EHF: variants seen among roughly 807,000 people sequenced by gnomAD.
EHF encodes the protein ETS homologous factor.
EHF carries 14 observed loss-of-function variants against 45.1 expected under a neutral mutation model. The ratio of observed to expected loss-of-function variants is 0.31; its 90% confidence interval spans 0.21 to 0.49. The LOEUF (loss-of-function observed/expected upper bound fraction) is 0.49. Ranked by LOEUF, EHF falls within the 20% of genes least tolerant of loss-of-function variation. EHF has a pLI of 0.99. For missense variants in EHF, 282 were observed against 371.4 expected (o/e 0.76, Z 1.98); for synonymous variants, 136 against 131.8 (o/e 1.03, Z -0.22).
chr11:34,649,162 G>C lies in EHF; in HGVS notation c.406+81G>C. The C allele has an allele frequency of 2.1e-6, 3 of 1,451,040 alleles. No individual in the cohort carries two copies. The Admixed American group carries it at 5.1e-5, about 25-fold the overall frequency. 89.9% of individuals were successfully genotyped at this position (1,451,040 alleles called of 1,614,324 possible). On this transcript the variant is annotated intron_variant, in intron 4 of 8. Transcript: ENST00000257831. ...CAGTTGGGAGAGGGCAAGAGAGAATGTGGGGGCAAGTTTTTGCAGGAAACA... is the reference window on the plus strand; with the variant it reads ...CAGTTGGGAGAGGGCAAGAGAGAATCTGGGGGCAAGTTTTTGCAGGAAACA...
intron 3 of EHF, among the ~76,000 whole-genome samples, chr11:34,648,339 A>G (rs1376512273): frequency 1.4e-5 from 2 of 146,336 alleles, no homozygotes; most frequent in Non-Finnish European, 2.9e-5. Context: ...ATTCATATGC[A>G]TTTACAAATA....
rs533407823 is a variant in EHF at position 34,633,817 on chromosome 11, G to T, written c.-3-8811G>T. 5.0e-3 allele frequency among the ~76,000 whole-genome samples: 761 copies of T among 152,174 alleles called. 10 individuals carry two copies. The highest frequency in any genetic ancestry group is 0.017 in the African/African-American group (725 of 41,494). On this transcript the variant is annotated intron_variant, in intron 1 of 8. Transcript: ENST00000257831. Reference sequence around the variant, plus strand: ...CAAGCTTGTCTTTTGATCAACTTGAGTGCCTGCCACTGTCAGTATGTGCTG... The same window carrying T: ...CAAGCTTGTCTTTTGATCAACTTGATTGCCTGCCACTGTCAGTATGTGCTG...
intron 6 of EHF, among the ~76,000 whole-genome samples, chr11:34,653,853 G>T (rs1855439273): frequency 6.6e-6 from 1 of 152,186 alleles, no homozygotes; most frequent in African/African-American, 2.4e-5. Flanking sequence ...GCTGAGCTAA[G>T]GCGAGGCCCA....
chr11:34,641,992 T>C (rs1037091468), intron 1 of EHF: 3 of 151,988 alleles, frequency 2.0e-5, no homozygotes, highest in African/African-American at 7.3e-5. Flanking sequence ...AAAGGAAAAA[T>C]TTTTTTCTTT....
At chr11:34,658,483 C>A (rs749279269) in intron 7 of EHF, 50 bp from the exon 8 acceptor site, 24 of 1,524,908 alleles carry the variant, frequency 1.6e-5, no homozygotes, top group Non-Finnish European at 1.9e-5. Flanking sequence ...TCTGCCCTAT[C>A]TTTGCTGTGA....
chr11:34,655,134 C>T (rs1159867884), intron 6 of EHF, among the ~76,000 whole-genome samples: 2 of 152,154 alleles, frequency 1.3e-5, no homozygotes, highest in Non-Finnish European at 2.9e-5. Context: ...AATTTGTCCT[C>T]TCGGATTTCA....
At chr11:34,627,087 G>A (rs949030211) in intron 1 of EHF, among the ~76,000 whole-genome samples, 2 of 147,406 alleles carry the variant, frequency 1.4e-5, no homozygotes, top group African/African-American at 5.0e-5. Flanking sequence ...CAGAGTGAAT[G>A]GATATTAAAT....
intron 1 of EHF, among the ~76,000 whole-genome samples, chr11:34,633,431 G>C (rs1853094952): frequency 6.6e-6 from 1 of 152,184 alleles, no homozygotes; most frequent in Non-Finnish European, 1.5e-5. Context: ...AGTCTATATA[G>C]ACCAGAAAAT....
chr11:34,633,173 C>T lies in EHF; in HGVS notation c.-3-9455C>T, dbSNP rs144324722. The stretch of plus-strand genomic sequence containing the variant: ...GTCTGTTCGGACTTCAGAACTCATA[C>T]TTTTGAGTATCCAATTATTGTTGAA... On this transcript the variant is annotated intron_variant, in intron 1 of 8. Transcript: ENST00000257831. 7.2e-5 allele frequency among the ~76,000 whole-genome samples: 11 copies of T among 152,246 alleles called. No individual in the cohort carries two copies. The East Asian group carries it at 1.9e-3, about 27-fold the overall frequency.
At chr11:34,637,238 C>T (rs984926654) in intron 1 of EHF, among the ~76,000 whole-genome samples, 1 of 152,056 alleles carries the variant, frequency 6.6e-6, no homozygotes. Context: ...TGCTCTGTTC[C>T]CCCTGCTCCC....
chr11:34,642,494 G>T, intron 1 of EHF, 134 bp from the exon 2 acceptor site: 1 of 586,086 alleles, frequency 1.7e-6, no homozygotes, highest in South Asian at 2.4e-5. Context: ...AAACGCTTTG[G>T]CAATGGGTGG....
intron 6 of EHF, 130 bp from the exon 7 acceptor site, chr11:34,656,778 T>C (rs965404295): frequency 2.0e-6 from 2 of 978,252 alleles, no homozygotes; most frequent in Non-Finnish European, 3.0e-6. Flanking sequence ...TTTGGTTCAC[T>C]AGCACATACT....
chr11:34,650,699 T>A (rs1052204815), intron 4 of EHF, among the ~76,000 whole-genome samples: 1 of 152,120 alleles, frequency 6.6e-6, no homozygotes, highest in African/African-American at 2.4e-5. Context: ...AATGCTTCTG[T>A]TGGAGACCAG....
chr11:34,630,430 A>C (rs938621937), intron 1 of EHF, among the ~76,000 whole-genome samples: 2 of 152,220 alleles, frequency 1.3e-5, no homozygotes, highest in South Asian at 2.1e-4. Context: ...CACAATTTAA[A>C]CCCTCAACAA....
chr11:34,647,541 G>A (rs1854685518), intron 3 of EHF, among the ~76,000 whole-genome samples: 1 of 152,166 alleles, frequency 6.6e-6, no homozygotes, highest in Admixed American at 6.5e-5. Flanking sequence ...GAGAACTATG[G>A]GCATCCTGAA....
At chr11:34,651,690 G>C (rs767930242) in intron 5 of EHF, 47 bp from the exon 6 acceptor site, 5 of 1,608,190 alleles carry the variant, frequency 3.1e-6, no homozygotes, top group African/African-American at 2.7e-5. Context: ...ATTGTGAGGT[G>C]GGGGGAGGGG....
At chr11:34,622,509 TTTATTTC>T in intron 1 of EHF, 2 of 616,282 alleles carry the variant, frequency 3.2e-6, no homozygotes, top group Non-Finnish European at 4.7e-6. Context: ...AGGGGAAAAA[TTTATTTC>T]TAACAGAAAA....
intron 6 of EHF, 106 bp from the exon 7 acceptor site, chr11:34,656,802 C>A: frequency 1.6e-6 from 2 of 1,263,150 alleles, no homozygotes; most frequent in Non-Finnish European, 2.2e-6. Context: ...AGGTGCCAGG[C>A]ATGCAGTAGG....
intron 1 of EHF, among the ~76,000 whole-genome samples, chr11:34,630,325 C>T (rs1231338699): frequency 1.3e-5 from 2 of 152,072 alleles, no homozygotes; most frequent in East Asian, 3.9e-4. Flanking sequence ...TGCTTAACCT[C>T]TCTCTGTAAA....
Sources: allele counts gnomAD v4.1 joint callset (sites outside exome capture counted in the v4.1 genomes callset), GRCh38; gene constraint gnomAD v4.1.1; transcripts MANE v1.5; gene names NCBI Gene and HGNC (gene_info 2026-07-23, HGNC 2026-07-21).